Variants in CDH13 observed in about 807,000 individuals in gnomAD.
CDH13 encodes cadherin 13.
CDH13 carries 24 observed loss-of-function variants against 63.8 expected under a neutral mutation model. The observed-to-expected ratio is 0.38, with a 90% CI of 0.27 to 0.53. The LOEUF (loss-of-function observed/expected upper bound fraction) is 0.53, where lower values mean the gene tolerates loss of function less well. CDH13 is among the 20% of genes least tolerant of loss of function. The pLI is 0.85. For missense variants in CDH13, 1,049 were observed against 903.1 expected, an observed-to-expected ratio of 1.16 and a Z score of -2.07; for synonymous variants, 503 against 355.3, an observed-to-expected ratio of 1.42 and a Z score of -4.67.
intron 6 of CDH13, among the ~76,000 whole-genome samples, chr16:83,468,351 G>A (rs910070763): frequency 6.6e-6 from 1 of 152,156 alleles, no homozygotes; most frequent in African/African-American, 2.4e-5. Flanking sequence ...AAAGAATGTA[G>A]ATAGCTACCA....
chr16:83,575,878 G>C (rs1272148272), intron 7 of CDH13, among the ~76,000 whole-genome samples: 1 of 152,108 alleles, frequency 6.6e-6, no homozygotes, highest in Non-Finnish European at 1.5e-5. Flanking sequence ...ACTCACCTTT[G>C]TACCCCCAGA....
intron 3 of CDH13, among the ~76,000 whole-genome samples, chr16:83,058,700 A>G (rs2031210025): frequency 6.6e-6 from 1 of 152,178 alleles, no homozygotes; most frequent in Non-Finnish European, 1.5e-5. Context: ...TAGGAAAGAA[A>G]ACAGAAGAGT....
intron 5 of CDH13, among the ~76,000 whole-genome samples, chr16:83,334,387 A>ACACC (rs1316572242): frequency 7.5e-6 from 1 of 133,034 alleles, no homozygotes; most frequent in East Asian, 2.4e-4. Context: ...ACACACACAC[A>ACACC]CACACACAGA....
chr16:83,782,672 G>A (rs1169703770), intron 12 of CDH13, among the ~76,000 whole-genome samples: 2 of 150,526 alleles, frequency 1.3e-5, no homozygotes, highest in Non-Finnish European at 2.9e-5. Flanking sequence ...GGATGCGGAG[G>A]TTGCAATGAG....
At chr16:83,111,987 C>T (rs2035078529) in intron 3 of CDH13, among the ~76,000 whole-genome samples, 1 of 152,112 alleles carries the variant, frequency 6.6e-6, no homozygotes, top group Non-Finnish European at 1.5e-5. Context: ...TCAATATGTG[C>T]ACAAATTTTC....
At chr16:82,638,610 G>A (rs1908979692) in intron 1 of CDH13, among the ~76,000 whole-genome samples, 1 of 152,056 alleles carries the variant, frequency 6.6e-6, no homozygotes, top group Non-Finnish European at 1.5e-5. Flanking sequence ...TCACTTAAGG[G>A]GGGAAATGAC....
intron 2 of CDH13, among the ~76,000 whole-genome samples, chr16:82,922,650 G>A (rs746883790): frequency 3.9e-5 from 6 of 152,170 alleles, no homozygotes; most frequent in Non-Finnish European, 7.3e-5. Flanking sequence ...AAAGCTCACA[G>A]AGAAGAATTT....
chr16:83,264,764 C>T (rs1478936179), intron 5 of CDH13, among the ~76,000 whole-genome samples: 1 of 151,420 alleles, frequency 6.6e-6, no homozygotes, highest in Non-Finnish European at 1.5e-5. Context: ...TTTTTTCTGG[C>T]ATTTGTGTAT....
chr16:83,345,532 C>T (rs950692020), intron 6 of CDH13, among the ~76,000 whole-genome samples: 23 of 152,182 alleles, frequency 1.5e-4, no homozygotes, highest in African/African-American at 5.6e-4. Context: ...TCTGGAAATG[C>T]GTAAATGCAT....
At chr16:82,832,647 C>T (rs1199291019) in intron 1 of CDH13, among the ~76,000 whole-genome samples, 1 of 151,958 alleles carries the variant, frequency 6.6e-6, no homozygotes, top group African/African-American at 2.4e-5. Context: ...ACTATTATCA[C>T]CCCAAAATGA....
At chr16:82,659,141 A>G (rs1911639956) in intron 1 of CDH13, among the ~76,000 whole-genome samples, 1 of 152,174 alleles carries the variant, frequency 6.6e-6, no homozygotes, top group African/African-American at 2.4e-5. Flanking sequence ...CTGGTTCCCA[A>G]TAGTTGATTT....
intron 2 of CDH13, among the ~76,000 whole-genome samples, chr16:83,024,533 T>C (rs910027999): frequency 6.6e-6 from 1 of 152,088 alleles, no homozygotes; most frequent in East Asian, 1.9e-4. Context: ...CGAGTTTGGA[T>C]TTGACCTCGG....
intron 6 of CDH13, among the ~76,000 whole-genome samples, chr16:83,355,251 A>C (rs575058638): frequency 6.6e-6 from 1 of 152,350 alleles, no homozygotes; most frequent in South Asian, 2.1e-4. Flanking sequence ...GTGTGTGACA[A>C]ATCGGAAAAT....
chr16:82,912,759 C>A (rs569993574), intron 2 of CDH13, among the ~76,000 whole-genome samples: 26 of 152,144 alleles, frequency 1.7e-4, no homozygotes, highest in Admixed American at 3.9e-4. Flanking sequence ...CTGGCTAATA[C>A]GGTGAAACCC....
chr16:83,438,785 T>A (rs2072397543), intron 6 of CDH13, among the ~76,000 whole-genome samples: 1 of 152,218 alleles, frequency 6.6e-6, no homozygotes, highest in African/African-American at 2.4e-5. Context: ...TTGAACATAT[T>A]TTGTACGTTT....
In CDH13 at chr16:82,957,761, A is replaced by G. The variant is rs576902381; in HGVS notation, c.158-74249A>G. The stretch of plus-strand genomic sequence containing the variant: ...ATATGCATTAAATGGGATAATATCT[A>G]GAAATTACCTAGGAAATATCTGGCC... On this transcript the variant is annotated intron_variant, in intron 2 of 13. Coordinates refer to ENST00000567109, the MANE Select transcript of CDH13 (RefSeq NM_001257.5). Among the ~76,000 whole-genome samples, 6 of 152,372 alleles carry G rather than the reference A, an allele frequency of 3.9e-5. No individual in the cohort carries two copies. The East Asian group carries it at 1.2e-3, about 29-fold the overall frequency.
rs141439578 is a variant in CDH13, at chr16:82,963,912, C to T, written c.158-68098C>T. ...CAGGTCGGAGAATAGAGACCCCCAG[C>T]CTGCTCTCACAGTTGGACTCAGCAG... On this transcript the variant is annotated intron_variant, in intron 2 of 13. Transcript: ENST00000567109. Among the ~76,000 whole-genome samples the T allele has an allele frequency of 1.7e-3, 260 of 152,306 alleles. 2 individuals are homozygous for T. Among genetic ancestry groups the T allele is most frequent in the African/African-American group, 5.9e-3 (247 of 41,566 alleles).
intron 11 of CDH13, among the ~76,000 whole-genome samples, chr16:83,749,934 G>A (rs1057460104): frequency 6.6e-6 from 1 of 152,190 alleles, no homozygotes; most frequent in Non-Finnish European, 1.5e-5. Context: ...TTCTGGTGTT[G>A]AGTTAGTTGG....
At chr16:83,192,070 A>G (rs1221422356) in intron 4 of CDH13, among the ~76,000 whole-genome samples, 1 of 152,090 alleles carries the variant, frequency 6.6e-6, no homozygotes, top group Non-Finnish European at 1.5e-5. Context: ...CTGCACGGAT[A>G]CTCGGTCACT....
Sources: gnomAD v4.1 joint callset for allele counts (sites outside exome capture counted in the v4.1 genomes callset) on GRCh38, gnomAD v4.1.1 for gene constraint, MANE v1.5 for transcripts, NCBI Gene and HGNC (gene_info 2026-07-23, HGNC 2026-07-21) for gene names.